RBFOX1: variants seen among roughly 807,000 people sequenced by gnomAD.
RBFOX1 encodes the protein RNA binding fox-1 homolog 1, also known as RNA binding protein fox-1 homolog 1.
RBFOX1 carries 8 observed loss-of-function variants against 57.7 expected under a neutral mutation model. The observed-to-expected ratio is 0.14, with a 90% CI of 0.08 to 0.25. The LOEUF is 0.25. RBFOX1 is among the 10% of genes least tolerant of loss of function. The pLI is 1.00. For synonymous variants in RBFOX1, 326 were observed against 222.4 expected (o/e 1.47, Z -4.15); for missense variants, 611 against 548.5 (o/e 1.11, Z -1.14).
intron 2 of RBFOX1, among the ~76,000 whole-genome samples, chr16:6,623,469 G>C (rs1601825656): frequency 6.7e-6 from 1 of 150,076 alleles, no homozygotes; most frequent in African/African-American, 2.5e-5. Flanking sequence ...TATACTTTAA[G>C]TTTTAGGGTA....
intron 1 of RBFOX1, among the ~76,000 whole-genome samples, chr16:5,374,664 C>T (rs1218612026): frequency 2.0e-5 from 3 of 150,742 alleles, no homozygotes; most frequent in Non-Finnish European, 4.4e-5. Flanking sequence ...CATGTTTTAA[C>T]ACAGAGGTGA....
rs893246141 is a variant in RBFOX1, at chr16:6,019,071, G to C, written c.-1048G>C. On this transcript the variant is annotated 5_prime_UTR_variant, in exon 1 of 16. Coordinates refer to ENST00000550418, the MANE Select transcript of RBFOX1 (RefSeq NM_018723.4). The surrounding 1 kb of genome is among the most constrained non-coding windows in gnomAD (Gnocchi z 4.2). The stretch of plus-strand genomic sequence containing the variant: ...CGGGGCTGCTCGCTGCTTGTCGCGC[G>C]CTCACACACACACAGACACACACGC... The C allele has an allele frequency of 1.8e-4, 178 of 980,806 alleles. 1 individual carries two copies. The highest frequency in any genetic ancestry group is 6.8e-4 in the Admixed American group (11 of 16,180). The allele number at this position is 980,806 out of a possible 1,614,324, so 60.8% of individuals were successfully genotyped here. A position where few individuals can be genotyped will look rare whatever the true frequency, so the allele number is the denominator to read the frequency against.
chr16:6,363,402 G>T (rs988385678), intron 2 of RBFOX1, among the ~76,000 whole-genome samples: 1 of 152,198 alleles, frequency 6.6e-6, no homozygotes. Context: ...AAGTTGACCA[G>T]TGATGCACAG....
rs982645610 is a variant in RBFOX1 at position 7,227,488 on chromosome 16, C to G, written c.27+175390C>G. ...TGCGATTTTATTCAGGGTTATTTATCTAACTGTCTCTACTGAAGTGGTACT... is the reference window on the plus strand; with the variant it reads ...TGCGATTTTATTCAGGGTTATTTATGTAACTGTCTCTACTGAAGTGGTACT... On this transcript the variant is annotated intron_variant, in intron 4 of 15. Coordinates refer to ENST00000550418, the MANE Select transcript of RBFOX1 (RefSeq NM_018723.4). Among the ~76,000 whole-genome samples the G allele has an allele frequency of 2.6e-5, 4 of 152,156 alleles. 1 individual carries two copies. The highest frequency in any genetic ancestry group is 5.9e-5 in the Non-Finnish European group (4 of 68,018).
chr16:5,478,663 C>G (rs187829605), intron 2 of RBFOX1, among the ~76,000 whole-genome samples: 3 of 152,162 alleles, frequency 2.0e-5, no homozygotes, highest in African/African-American at 7.2e-5. Context: ...TTTCCAGACC[C>G]GCTTTCTGCT....
At chr16:5,633,863 A>AT (rs1276190370) in intron 3 of RBFOX1, among the ~76,000 whole-genome samples, 2 of 151,850 alleles carry the variant, frequency 1.3e-5, no homozygotes, top group African/African-American at 4.8e-5. Flanking sequence ...AAAAAAAAAA[A>AT]AAAGTAGACA....
chr16:5,994,253 C>T lies in RBFOX1; in HGVS notation c.351+126918C>T, dbSNP rs538839087. Reference sequence around the variant, plus strand: ...CTTGGCTCACTGCAACCTCTGCCTCCTGGGTTTAAGCAATTCTCATGCTTC... The same window carrying T: ...CTTGGCTCACTGCAACCTCTGCCTCTTGGGTTTAAGCAATTCTCATGCTTC... On this transcript the variant is annotated intron_variant, in intron 4 of 19. Transcript: ENST00000641259. Among the ~76,000 whole-genome samples, 163 of 152,280 alleles carry T rather than the reference C, an allele frequency of 1.1e-3. 1 individual carries two copies. Among genetic ancestry groups the T allele is most frequent in the African/African-American group, 3.9e-3 (162 of 41,558 alleles).
intron 2 of RBFOX1, among the ~76,000 whole-genome samples, chr16:6,497,565 A>ATTTTT (rs772851122): frequency 0.022 from 3,268 of 147,840 alleles, 119 homozygotes; most frequent in African/African-American, 0.077. Flanking sequence ...AGTTTTTAAA[A>ATTTTT]AAAAAAAAAA....
At chr16:7,130,255 G>T (rs968383901) in intron 4 of RBFOX1, among the ~76,000 whole-genome samples, 5 of 151,998 alleles carry the variant, frequency 3.3e-5, no homozygotes, top group African/African-American at 1.2e-4. Flanking sequence ...GGCTGGTCTT[G>T]AACTCCTGAC....
intron 4 of RBFOX1, among the ~76,000 whole-genome samples, chr16:7,453,179 G>C (rs965988145): frequency 1.3e-5 from 2 of 151,854 alleles, no homozygotes; most frequent in East Asian, 1.9e-4. Flanking sequence ...ACATTGTTTG[G>C]TAGCCAGGAT....
At chr16:7,588,536 G>C (rs28489689) in intron 7 of RBFOX1, among the ~76,000 whole-genome samples, 1 of 152,190 alleles carries the variant, frequency 6.6e-6, no homozygotes, top group African/African-American at 2.4e-5. Context: ...CTGGCTGCCA[G>C]TCCCCAGGCT....
At chr16:5,935,232 G>T (rs1017529197) in intron 4 of RBFOX1, among the ~76,000 whole-genome samples, 1 of 152,198 alleles carries the variant, frequency 6.6e-6, no homozygotes, top group African/African-American at 2.4e-5. Flanking sequence ...CTATAGTGAG[G>T]TTAACAGATC....
intron 1 of RBFOX1, among the ~76,000 whole-genome samples, chr16:6,093,489 C>A (rs775918576): frequency 3.9e-5 from 6 of 152,086 alleles, no homozygotes; most frequent in African/African-American, 1.4e-4. Flanking sequence ...ACTAGGATTT[C>A]CAGGTTAGAG....
chr16:5,584,850 G>A (rs969242665), intron 2 of RBFOX1, among the ~76,000 whole-genome samples: 1 of 152,174 alleles, frequency 6.6e-6, no homozygotes, highest in Non-Finnish European at 1.5e-5. Context: ...CTTTTGAGAT[G>A]CATGGAGAGG....
chr16:6,134,609 G>C (rs2096652809), intron 1 of RBFOX1, among the ~76,000 whole-genome samples: 1 of 152,048 alleles, frequency 6.6e-6, no homozygotes, highest in Non-Finnish European at 1.5e-5. Flanking sequence ...CAGGCAGTGA[G>C]GGGGTGAAGG....
In RBFOX1 at chr16:7,102,082, T is replaced by C; in HGVS notation, c.27+49984T>C. Among the ~76,000 whole-genome samples the C allele has an allele frequency of 1.3e-5, 2 of 152,104 alleles. 1 individual carries two copies. Among genetic ancestry groups the C allele is most frequent in the East Asian group, 3.9e-4 (2 of 5,182 alleles). ...CCCACCCAGAGGAGGGTGCTTTTTC[T>C]AACTCACAACCAAACATACAGGCAG... On this transcript the variant is annotated intron_variant, in intron 4 of 15. Coordinates refer to ENST00000550418, the MANE Select transcript of RBFOX1 (RefSeq NM_018723.4).
Position 6,721,007 on chromosome 16 carries a change from C to T in RBFOX1, c.-16+66357C>T, listed in dbSNP as rs73543637. Among the ~76,000 whole-genome samples, 287 of 152,220 alleles carry T rather than the reference C, an allele frequency of 1.9e-3. 1 individual carries two copies. Among genetic ancestry groups the T allele is most frequent in the African/African-American group, 6.7e-3 (278 of 41,542 alleles). On this transcript the variant is annotated intron_variant, in intron 3 of 15. Coordinates refer to ENST00000550418, the MANE Select transcript of RBFOX1 (RefSeq NM_018723.4). The stretch of plus-strand genomic sequence containing the variant: ...GATCATGAGGGCTAAGATGAGGTCA[C>T]GAATATGCAGCTTTTATGCTGGTGG...
intron 4 of RBFOX1, among the ~76,000 whole-genome samples, chr16:5,980,492 G>C (rs2060150633): frequency 6.6e-6 from 1 of 152,148 alleles, no homozygotes; most frequent in South Asian, 2.1e-4. Context: ...CCTGAGAGCT[G>C]TTCACAGTTT....
intron 4 of RBFOX1, among the ~76,000 whole-genome samples, chr16:7,420,073 G>A (rs141728512): frequency 6.6e-6 from 1 of 151,980 alleles, no homozygotes; most frequent in African/African-American, 2.4e-5. Flanking sequence ...TAACAAATGA[G>A]GGTACATTTG....
Sources: allele counts gnomAD v4.1 joint callset (sites outside exome capture counted in the v4.1 genomes callset), GRCh38; gene constraint gnomAD v4.1.1; non-coding constraint Gnocchi (gnomAD v3.1); transcripts MANE v1.5; gene names NCBI Gene and HGNC (gene_info 2026-07-23, HGNC 2026-07-21).